Variants in MAML3 observed in about 807,000 individuals in gnomAD.
MAML3 encodes the protein mastermind-like protein 3.
In MAML3, 27 loss-of-function variants were observed where a neutral mutation model predicts 101.9. That is an observed-to-expected ratio of 0.27 (90% confidence interval 0.20 to 0.37). The LOEUF is 0.37. MAML3 is among the 10% of genes least tolerant of loss of function. The pLI, the probability that MAML3 is intolerant of heterozygous loss-of-function variation, is 1.00. For missense variants in MAML3, 1,316 were observed against 1,444.9 expected, an observed-to-expected ratio of 0.91 and a Z score of 1.45; for synonymous variants, 501 against 555.9, an observed-to-expected ratio of 0.90 and a Z score of 1.39.
At chr4:140,042,771 C>A (rs952002453) in intron 1 of MAML3, among the ~76,000 whole-genome samples, 1 of 152,144 alleles carries the variant, frequency 6.6e-6, no homozygotes, top group Non-Finnish European at 1.5e-5. Context: ...TAAGGGACTG[C>A]GGAGCTTCCT....
chr4:139,993,552 G>A (rs185577516), intron 1 of MAML3, among the ~76,000 whole-genome samples: 102 of 150,668 alleles, frequency 6.8e-4, no homozygotes, highest in African/African-American at 2.2e-3. Flanking sequence ...TTGGCCTGGC[G>A]CAGTGGCTCA....
At position 139,890,341 on chromosome 4, in the gene MAML3, G is replaced by C; in HGVS notation, c.1095C>G (p.Pro365=). ...GAGATCCCATGGAGACATGTGCGAA[G>C]GGAGAGTGAGAGGGGTCGCTCTTCA... The part of the protein sequence containing the change: ...ASVKSDPSHS[P]FAHVSMGSPQ... The change falls in exon 2 of 5, where the codon CCC becomes CCG. Residue 365 remains proline, a synonymous_variant. Transcript: ENST00000509479. This position sits in a 1 kb window ranked among gnomAD's most constrained non-coding sequence, Gnocchi z 4.1. 2 of 1,607,964 alleles carry C rather than the reference G, an allele frequency of 1.2e-6. No homozygotes were observed. Among genetic ancestry groups the C allele is most frequent in the Non-Finnish European group, 8.5e-7 (1 of 1,176,072 alleles).
Position 139,719,547 on chromosome 4 carries a change from G to T in MAML3, c.3193C>A (p.Pro1065Thr). The T allele has an allele frequency of 2.5e-6, 4 of 1,613,868 alleles. No individual in the cohort carries two copies. The highest frequency in any genetic ancestry group is 3.4e-6 in the Non-Finnish European group (4 of 1,179,822). The change falls in exon 5 of 5, where the codon CCA becomes ACA. Residue 1065 changes from proline (P) to threonine (T), a missense_variant. By Grantham distance (38) the Pro-to-Thr change is conservative. Transcript: ENST00000509479. The part of the protein sequence containing the change: ...VPGMPAFSQP[P>T]AQQQIPSGSF... ...CCACTGGGTATCTGCTGCTGTGCTG[G>T]GGGCTGGCTGAACGCTGGCATGCCT...
intron 1 of MAML3, among the ~76,000 whole-genome samples, chr4:140,066,442 G>A (rs571679726): frequency 6.6e-6 from 1 of 152,308 alleles, no homozygotes; most frequent in African/African-American, 2.4e-5. Flanking sequence ...TCTTGACAGA[G>A]GTTTTAGAAA....
At chr4:140,035,087 A>G (rs984508700) in intron 1 of MAML3, among the ~76,000 whole-genome samples, 2 of 151,900 alleles carry the variant, frequency 1.3e-5, no homozygotes, top group African/African-American at 2.4e-5. Flanking sequence ...CTCCTGTCTC[A>G]CCCTCCTGAG....
intron 2 of MAML3, among the ~76,000 whole-genome samples, chr4:139,866,475 G>A (rs795983): frequency 0.44 from 67,143 of 151,994 alleles, 15,710 homozygotes; most frequent in African/African-American, 0.56. Flanking sequence ...CTCAGTCACC[G>A]ACAGAAGGCA....
intron 1 of MAML3, among the ~76,000 whole-genome samples, chr4:139,900,034 C>G (rs1465265315): frequency 6.7e-6 from 1 of 148,878 alleles, no homozygotes; most frequent in Non-Finnish European, 1.5e-5. Flanking sequence ...TGCAGAGTCC[C>G]AAGGGACTAC....
intron 2 of MAML3, among the ~76,000 whole-genome samples, chr4:139,811,237 T>C (rs1199836147): frequency 2.0e-5 from 3 of 152,172 alleles, no homozygotes; most frequent in African/African-American, 7.2e-5. Context: ...GATACCCTAT[T>C]ACAGGGCAGA....
chr4:139,991,247 G>A lies in MAML3; in HGVS notation c.469-100280C>T, dbSNP rs189231129. On this transcript the variant is annotated intron_variant, in intron 1 of 4. Coordinates refer to ENST00000509479, the MANE Select transcript of MAML3 (RefSeq NM_018717.5). ...GAACAGAGCCCTCAGAAATAAAGTC[G>A]CGTATCTACAACTATCTGATCTTTG... Among the ~76,000 whole-genome samples the A allele has an allele frequency of 2.2e-3, 342 of 152,196 alleles. 1 individual carries two copies. The highest frequency in any genetic ancestry group is 6.8e-3 in the Middle Eastern group (2 of 294).
At chr4:139,902,302 C>T (rs1732742975) in intron 1 of MAML3, among the ~76,000 whole-genome samples, 1 of 151,956 alleles carries the variant, frequency 6.6e-6, no homozygotes, top group Admixed American at 6.6e-5. Flanking sequence ...TCTCAATGAG[C>T]GAGCAAACAG....
chr4:139,884,409 C>T (rs1032264980), intron 2 of MAML3, among the ~76,000 whole-genome samples: 1 of 152,152 alleles, frequency 6.6e-6, no homozygotes, highest in African/African-American at 2.4e-5. Flanking sequence ...AGAAAACATA[C>T]GTGTAAAGAA....
chr4:139,722,028 C>G (rs1035574144), intron 4 of MAML3, among the ~76,000 whole-genome samples: 1 of 152,134 alleles, frequency 6.6e-6, no homozygotes, highest in Non-Finnish European at 1.5e-5. Flanking sequence ...TATAAACAGT[C>G]TGATGGGCTG....
At chr4:139,754,821 A>G (rs749980211) in intron 2 of MAML3, among the ~76,000 whole-genome samples, 4 of 152,258 alleles carry the variant, frequency 2.6e-5, no homozygotes, top group Non-Finnish European at 4.4e-5. Context: ...TAAAGAAGAC[A>G]CTGTAAATAA....
chr4:139,877,673 C>A (rs1032614258), intron 2 of MAML3, among the ~76,000 whole-genome samples: 5 of 152,122 alleles, frequency 3.3e-5, no homozygotes, highest in African/African-American at 9.7e-5. Context: ...CTCAATGCTG[C>A]GAAAACTTTT....
At chr4:139,812,758 GC>G (rs930707150) in intron 2 of MAML3, among the ~76,000 whole-genome samples, 9 of 152,120 alleles carry the variant, frequency 5.9e-5, no homozygotes, top group Non-Finnish European at 8.8e-5. Flanking sequence ...GCCAATCACT[GC>G]CGCTTGAGAG....
At chr4:139,797,437 T>C (rs1255740677) in intron 2 of MAML3, among the ~76,000 whole-genome samples, 9 of 152,154 alleles carry the variant, frequency 5.9e-5, no homozygotes, top group East Asian at 1.9e-4. Flanking sequence ...TGAGTTTTTT[T>C]CAACAAATCA....
chr4:140,054,114 A>C (rs1727313452), intron 1 of MAML3, among the ~76,000 whole-genome samples: 1 of 152,250 alleles, frequency 6.6e-6, no homozygotes, highest in Non-Finnish European at 1.5e-5. Context: ...TCACGCCTGT[A>C]ATCCCAGCAC....
At chr4:139,949,829 A>C (rs1733803826) in intron 1 of MAML3, among the ~76,000 whole-genome samples, 1 of 152,192 alleles carries the variant, frequency 6.6e-6, no homozygotes, top group African/African-American at 2.4e-5. Context: ...AGATGTTGCT[A>C]GGAAGGCTAG....
At chr4:139,948,994 A>C (rs995337951) in intron 1 of MAML3, among the ~76,000 whole-genome samples, 3 of 152,024 alleles carry the variant, frequency 2.0e-5, no homozygotes, top group Admixed American at 6.6e-5. Context: ...CTAAAATACA[A>C]AAGTGGTAGT....
Sources: allele counts gnomAD v4.1 joint callset (sites outside exome capture counted in the v4.1 genomes callset), GRCh38; gene constraint gnomAD v4.1.1; non-coding constraint Gnocchi (gnomAD v3.1); transcripts MANE v1.5; gene names NCBI Gene and HGNC (gene_info 2026-07-23, HGNC 2026-07-21).